SHROOM2: variants seen among roughly 807,000 people sequenced by gnomAD.
The protein encoded by SHROOM2 is protein Shroom2.
Under a neutral mutation model 75.9 loss-of-function variants are expected in SHROOM2, and 33 were observed. The ratio of observed to expected loss-of-function variants is 0.43; its 90% CI spans 0.33 to 0.58. The LOEUF (loss-of-function observed/expected upper bound fraction) is 0.58. Among genes scored for constraint, SHROOM2 ranks in the 20% least tolerant of loss-of-function variants. SHROOM2 has a pLI of 0.04. For synonymous variants in SHROOM2, 655 were observed against 663.6 expected (o/e 0.99, Z 0.20); for missense variants, 1,434 against 1,461.2 (o/e 0.98, Z 0.30).
chrX:9,934,686 A>G (rs2084682506), intron 6 of SHROOM2, among the ~76,000 whole-genome samples: 1 of 112,049 alleles, frequency 8.9e-6, no homozygotes, highest in Admixed American at 9.5e-5. Context: ...ACTGTTTTTA[A>G]GAAGAGAGAC....
intron 5 of SHROOM2, among the ~76,000 whole-genome samples, chrX:9,898,904 GC>G (rs112831892): frequency 0.039 from 4,335 of 111,272 alleles, 172 homozygotes; most frequent in African/African-American, 0.12. Flanking sequence ...CAGAATGTGC[GC>G]CGTAGCCGCT....
At chrX:9,840,311 G>A (rs1466100898) in intron 1 of SHROOM2, among the ~76,000 whole-genome samples, 1 of 111,797 alleles carries the variant, frequency 8.9e-6, no homozygotes, top group Non-Finnish European at 1.9e-5. Flanking sequence ...TGGAGACAGG[G>A]TCTATGTCAC....
At chrX:9,852,704 G>A (rs1002333356) in intron 1 of SHROOM2, among the ~76,000 whole-genome samples, 15 of 112,807 alleles carry the variant, frequency 1.3e-4, no homozygotes, top group East Asian at 2.8e-4. Context: ...AAAGACAGTC[G>A]AATTTGACCT....
intron 1 of SHROOM2, among the ~76,000 whole-genome samples, chrX:9,848,910 A>G (rs900178608): frequency 9.0e-6 from 1 of 111,138 alleles, no homozygotes; most frequent in Non-Finnish European, 1.9e-5. Flanking sequence ...ATTCCCTTCC[A>G]TTCATCCACT....
At chrX:9,857,609 G>A (rs184284546) in intron 1 of SHROOM2, among the ~76,000 whole-genome samples, 2 of 110,136 alleles carry the variant, frequency 1.8e-5, no homozygotes, top group Non-Finnish European at 3.8e-5. Flanking sequence ...GGCTGGTCTC[G>A]AACTCCTGGC....
At chrX:9,798,646 T>G (rs1045770101) in intron 1 of SHROOM2, among the ~76,000 whole-genome samples, 10 of 112,150 alleles carry the variant, frequency 8.9e-5, no homozygotes, top group Non-Finnish European at 1.7e-4. Context: ...TGTATGCCAC[T>G]TGACGTTTTA....
At position 9,864,831 on chromosome X, in the gene SHROOM2, T is replaced by TAAATAAATAAATAA. The variant is rs372244330; in HGVS notation, c.166-8803_166-8790dup. 7.1e-4 allele frequency among the ~76,000 whole-genome samples: 73 copies of TAAATAAATAAATAA among 102,517 alleles called. 1 individual carries two copies. Among genetic ancestry groups the TAAATAAATAAATAA allele is most frequent in the South Asian group, 1.3e-3 (3 of 2,259 alleles). 89.0% of individuals were successfully genotyped at this position (102,517 alleles called of 115,157 possible). A position where few individuals can be genotyped will look rare whatever the true frequency, so the allele number is the denominator to read the frequency against. ...CAGAGCGAGACTCCGTCTCAAAAAA[T>TAAATAAATAAATAA]AAATAAATAAATAAAAATAAATAAA... On this transcript the variant is annotated intron_variant, in intron 1 of 9. Coordinates refer to ENST00000380913, the MANE Select transcript of SHROOM2 (RefSeq NM_001649.4).
At chrX:9,876,367 G>A (rs985506070) in intron 2 of SHROOM2, among the ~76,000 whole-genome samples, 9 of 111,879 alleles carry the variant, frequency 8.0e-5, no homozygotes, top group Non-Finnish European at 7.5e-5. Context: ...CTACCTTTAT[G>A]TGGTTTTCCT....
Position 9,894,448 on chromosome X carries a change from C to T in SHROOM2, c.540C>T (p.Ser180=). ...DHFSSLGSVD[S]LDHPSSRLSV... ...TCAGCTCCTTGGGGAGCGTTGACAG[C>T]CTGGACCACCCCTCCAGTCGCCTCT... The change falls in exon 4 of 10, where the codon AGC becomes AGT. Residue 180 remains serine, a synonymous_variant. Transcript: ENST00000380913. 2 of 1,211,244 alleles carry T rather than the reference C, an allele frequency of 1.7e-6. No homozygotes were observed. Among genetic ancestry groups the T allele is most frequent in the African/African-American group, 1.7e-5 (1 of 57,625 alleles).
chrX:9,936,031 C>T (rs2084701263), intron 6 of SHROOM2, among the ~76,000 whole-genome samples: 1 of 111,361 alleles, frequency 9.0e-6, no homozygotes, highest in African/African-American at 3.3e-5. Flanking sequence ...GGGCCTGTTC[C>T]TCCTGTTCTC....
At position 9,895,879 on chromosome X, in the gene SHROOM2, G is replaced by A. The variant is rs1311975343; in HGVS notation, c.1971G>A (p.Glu657=). Residue 657 remains glutamate, a synonymous_variant, in exon 4 of 10, where the codon GAG becomes GAA. Transcript: ENST00000380913. ...CTCTGACTGCAGCAGGGGAGGCGGA[G>A]GATGGCACCGGCCGCTGGAGGGCCG... is the stretch of plus-strand genomic sequence containing the variant. ...TVALTAAGEA[E]DGTGRWRAGL... 1 of 1,201,034 alleles carries A rather than the reference G, an allele frequency of 8.3e-7. No homozygotes were observed. Among genetic ancestry groups the A allele is most frequent in the Non-Finnish European group, 1.1e-6 (1 of 890,794 alleles).
intron 1 of SHROOM2, among the ~76,000 whole-genome samples, chrX:9,845,753 G>A (rs1267348763): frequency 9.2e-6 from 1 of 108,718 alleles, no homozygotes; most frequent in African/African-American, 3.4e-5. Flanking sequence ...CATGAGTTGA[G>A]AAACATAATT....
At chrX:9,834,163 G>T (rs1047124537) in intron 1 of SHROOM2, among the ~76,000 whole-genome samples, 4 of 112,082 alleles carry the variant, frequency 3.6e-5, no homozygotes, top group African/African-American at 1.3e-4. Context: ...GCAAACGGGG[G>T]TCCATCTCAG....
intron 5 of SHROOM2, among the ~76,000 whole-genome samples, chrX:9,924,884 G>C (rs2084579757): frequency 9.0e-6 from 1 of 110,588 alleles, no homozygotes; most frequent in Admixed American, 9.7e-5. Context: ...GTTGTTCAGA[G>C]TGGTCTTGAA....
intron 4 of SHROOM2, among the ~76,000 whole-genome samples, chrX:9,897,883 A>G (rs1232180108): frequency 8.9e-6 from 1 of 111,810 alleles, no homozygotes; most frequent in Non-Finnish European, 1.9e-5. Flanking sequence ...TTGCTCTGTC[A>G]GGAGCAAAGA....
chrX:9,893,055 G>T (rs1042818215), intron 3 of SHROOM2, among the ~76,000 whole-genome samples: 2 of 111,539 alleles, frequency 1.8e-5, no homozygotes, highest in Admixed American at 1.9e-4. Context: ...ACTCTGTAGG[G>T]TATAACCAGT....
chrX:9,786,654 T>G lies in SHROOM2; in HGVS notation c.109T>G (p.Trp37Gly). 1.1e-6 allele frequency: 1 copy of G among 887,276 alleles called. No individual in the cohort carries two copies. Among genetic ancestry groups the G allele is most frequent in the Non-Finnish European group, 1.4e-6 (1 of 723,828 alleles). The allele number at this position is 887,276 out of a possible 1,213,427, so 73.1% of individuals were successfully genotyped here. The change falls in exon 1 of 10, where the codon TGG becomes GGG. Residue 37 changes from tryptophan (W) to glycine (G), a missense_variant. Transcript: ENST00000380913. ...GGTGCAGCTGAGCGGCGGCGCCCCG[T>G]GGGGCTTCACCCTGAAGGGCGGCCG... ...VEVQLSGGAP[W>G]GFTLKGGREH...
At chrX:9,807,828 C>T (rs911256705) in intron 1 of SHROOM2, among the ~76,000 whole-genome samples, 1 of 111,975 alleles carries the variant, frequency 8.9e-6, no homozygotes, top group Non-Finnish European at 1.9e-5. Context: ...TCCTGCCCGC[C>T]CTAGGCTGCC....
chrX:9,896,614 G>T lies in SHROOM2; in HGVS notation c.2706G>T (p.Leu902=). The change falls in exon 4 of 10, where the codon CTG becomes CTT. Residue 902 remains leucine, a synonymous_variant. Coordinates refer to ENST00000380913, the MANE Select transcript of SHROOM2 (RefSeq NM_001649.4). ...SGRCHSADDI[L]DVSLDPQERP... ...GCTGCCACTCAGCGGATGACATCCTGGATGTGAGCCTGGACCCACAGGAGA... is the reference window on the plus strand; with the variant it reads ...GCTGCCACTCAGCGGATGACATCCTTGATGTGAGCCTGGACCCACAGGAGA... 8.3e-7 allele frequency: 1 copy of T among 1,209,592 alleles called. No homozygotes were observed. The highest frequency in any genetic ancestry group is 2.2e-5 in the Admixed American group (1 of 45,905).
Sources: allele counts gnomAD v4.1 joint callset (sites outside exome capture counted in the v4.1 genomes callset), GRCh38; gene constraint gnomAD v4.1.1; transcripts MANE v1.5; gene names NCBI Gene and HGNC (gene_info 2026-07-23, HGNC 2026-07-21).